Variants in PARD3 observed in about 807,000 individuals in gnomAD.
The protein encoded by PARD3 is partitioning defective 3 homolog.
Under a neutral mutation model 155.4 loss-of-function variants are expected in PARD3, and 75 were observed. That is an observed-to-expected ratio of 0.48 (90% CI 0.40 to 0.58). The LOEUF (loss-of-function observed/expected upper bound fraction) is 0.58, where lower values mean the gene tolerates loss of function less well. PARD3 is among the 20% of genes least tolerant of loss of function. The pLI is 0.00. For missense variants in PARD3, 1,642 were observed against 1,721.7 expected, an observed-to-expected ratio of 0.95 and a Z score of 0.82; for synonymous variants, 576 against 610.5, an observed-to-expected ratio of 0.94 and a Z score of 0.83.
intron 22 of PARD3, among the ~76,000 whole-genome samples, chr10:34,225,845 A>G (rs1256680305): frequency 6.6e-6 from 1 of 152,154 alleles, no homozygotes; most frequent in African/African-American, 2.4e-5. Flanking sequence ...GTTCTTAGAT[A>G]TGACATCAAA....
chr10:34,566,979 A>G (rs1485333565), intron 2 of PARD3, among the ~76,000 whole-genome samples: 2 of 152,210 alleles, frequency 1.3e-5, no homozygotes, highest in Admixed American at 1.3e-4. Context: ...AGTGTATTTT[A>G]AGATAACATT....
At chr10:34,142,011 A>G (rs542726249) in intron 22 of PARD3, among the ~76,000 whole-genome samples, 1 of 152,342 alleles carries the variant, frequency 6.6e-6, no homozygotes, top group South Asian at 2.1e-4. Context: ...TTTTGGTTTA[A>G]GAAACCATAT....
At chr10:34,379,542 C>A (rs980566783) in intron 9 of PARD3, among the ~76,000 whole-genome samples, 2 of 152,044 alleles carry the variant, frequency 1.3e-5, no homozygotes, top group African/African-American at 4.8e-5. Context: ...AGAAAGAATT[C>A]TTAATTACTC....
At chr10:34,639,220 A>AC (rs1564448195) in intron 2 of PARD3, among the ~76,000 whole-genome samples, 1 of 152,060 alleles carries the variant, frequency 6.6e-6, no homozygotes, top group African/African-American at 2.4e-5. Context: ...ACATGGTGAA[A>AC]CCCCATCTCT....
intron 22 of PARD3, among the ~76,000 whole-genome samples, chr10:34,209,091 G>C (rs779767676): frequency 8.5e-5 from 13 of 152,244 alleles, no homozygotes; most frequent in Non-Finnish European, 1.3e-4. Flanking sequence ...GTAAGACAAA[G>C]TAAACTTTAA....
intron 3 of PARD3, among the ~76,000 whole-genome samples, chr10:34,514,556 C>G (rs1428806652): frequency 1.1e-4 from 17 of 152,142 alleles, no homozygotes; most frequent in Non-Finnish European, 1.8e-4. Context: ...GATGCTTAAC[C>G]CAATGCCTGC....
chr10:34,754,684 T>C (rs1353301464), intron 1 of PARD3, among the ~76,000 whole-genome samples: 1 of 152,190 alleles, frequency 6.6e-6, no homozygotes, highest in Non-Finnish European at 1.5e-5. Flanking sequence ...TCTGAACAAA[T>C]TGGACAGGGT....
intron 22 of PARD3, among the ~76,000 whole-genome samples, chr10:34,264,348 C>G (rs530380319): frequency 6.6e-6 from 1 of 152,204 alleles, no homozygotes; most frequent in Admixed American, 6.5e-5. Flanking sequence ...TTATTTTCAA[C>G]TTACAATGAG....
intron 1 of PARD3, among the ~76,000 whole-genome samples, chr10:34,784,231 G>C (rs1840655897): frequency 6.6e-6 from 1 of 151,750 alleles, no homozygotes; most frequent in Admixed American, 6.6e-5. Context: ...AAAAACATCA[G>C]TATTCTAAAA....
intron 2 of PARD3, among the ~76,000 whole-genome samples, chr10:34,610,281 T>C (rs1418657955): frequency 6.6e-6 from 1 of 152,192 alleles, no homozygotes; most frequent in African/African-American, 2.4e-5. Context: ...AACGTGAAAG[T>C]TGCTGAATGC....
chr10:34,497,370 C>T (rs1381713668), intron 3 of PARD3, among the ~76,000 whole-genome samples: 1 of 152,090 alleles, frequency 6.6e-6, no homozygotes, highest in African/African-American at 2.4e-5. Flanking sequence ...TTAAAGTGTA[C>T]AAGAGGATGT....
intron 2 of PARD3, among the ~76,000 whole-genome samples, chr10:34,541,882 TGGGTGGGA>T (rs1000385153): frequency 3.3e-5 from 5 of 152,008 alleles, no homozygotes; most frequent in Non-Finnish European, 5.9e-5. Flanking sequence ...ATACGTTTTT[TGGGTGGGA>T]AGGTGGGACA....
intron 3 of PARD3, among the ~76,000 whole-genome samples, chr10:34,500,020 C>T (rs1168111493): frequency 6.6e-6 from 1 of 152,186 alleles, no homozygotes; most frequent in Non-Finnish European, 1.5e-5. Flanking sequence ...ATGTTCAGTA[C>T]AGATGCAATT....
In PARD3 at chr10:34,382,144, C is replaced by CTGGACTTAT. The variant is rs529054017; in HGVS notation, c.1399+387_1399+395dup. On this transcript the variant is annotated intron_variant, in intron 9 of 24. Transcript: ENST00000374788. The stretch of plus-strand genomic sequence containing the variant: ...CTACCTCTAAAGTCCTCCTTGAGGG[C>CTGGACTTAT]TGGACTTATACAGCAAATGGGGCAG... 5.8e-3 allele frequency among the ~76,000 whole-genome samples: 888 copies of CTGGACTTAT among 152,122 alleles called. 4 individuals are homozygous for CTGGACTTAT. Among genetic ancestry groups the CTGGACTTAT allele is most frequent in the Non-Finnish European group, 8.2e-3 (556 of 68,000 alleles).
intron 2 of PARD3, among the ~76,000 whole-genome samples, chr10:34,684,304 T>C (rs1453621332): frequency 1.3e-5 from 2 of 152,188 alleles, no homozygotes; most frequent in African/African-American, 2.4e-5. Flanking sequence ...CTTTTTCTAA[T>C]GTATATAATT....
At chr10:34,205,759 G>C (rs532651692) in intron 22 of PARD3, among the ~76,000 whole-genome samples, 5 of 152,236 alleles carry the variant, frequency 3.3e-5, no homozygotes, top group East Asian at 3.9e-4. Context: ...CACTTTCCTA[G>C]CTTCCTCTGG....
intron 7 of PARD3, among the ~76,000 whole-genome samples, chr10:34,397,662 G>C (rs1843465208): frequency 6.6e-6 from 1 of 152,100 alleles, no homozygotes; most frequent in African/African-American, 2.4e-5. Flanking sequence ...ATTTGCTTTA[G>C]GCTTTTCATC....
intron 1 of PARD3, among the ~76,000 whole-genome samples, chr10:34,705,820 A>G (rs1418498859): frequency 2.6e-5 from 4 of 152,232 alleles, no homozygotes; most frequent in Non-Finnish European, 5.9e-5. Flanking sequence ...ACAGGTGGAT[A>G]GCTTCATTTA....
At position 34,568,162 on chromosome 10, in the gene PARD3, A is replaced by T. The variant is rs1676502419; in HGVS notation, c.223-51003T>A. Reference sequence around the variant, plus strand: ...CACAGTTCTTAGTGAAAAGGGAATGAGTTTTAGGAACAGCCTTCCAAAAAT... The same window carrying T: ...CACAGTTCTTAGTGAAAAGGGAATGTGTTTTAGGAACAGCCTTCCAAAAAT... On this transcript the variant is annotated intron_variant, in intron 2 of 24. Coordinates refer to ENST00000374788, the MANE Select transcript of PARD3 (RefSeq NM_001184785.2). Among the ~76,000 whole-genome samples, 4 of 152,194 alleles carry T rather than the reference A, an allele frequency of 2.6e-5. No homozygotes were observed. The South Asian group carries it at 8.3e-4, about 32-fold the overall frequency.
Sources: allele counts gnomAD v4.1 joint callset (sites outside exome capture counted in the v4.1 genomes callset), GRCh38; gene constraint gnomAD v4.1.1; transcripts MANE v1.5; gene names NCBI Gene and HGNC (gene_info 2026-07-23, HGNC 2026-07-21).